MLXIPL: variants seen among roughly 807,000 people sequenced by gnomAD.
The protein encoded by MLXIPL is carbohydrate-responsive element-binding protein.
In MLXIPL, 49 loss-of-function variants were observed where a neutral mutation model predicts 81.5. The observed-to-expected ratio is 0.60, with a 90% CI of 0.48 to 0.76. The LOEUF is 0.76. MLXIPL is among the 30% of genes least tolerant of loss of function. MLXIPL has a pLI of 0.00. For missense variants in MLXIPL, 1,053 were observed against 1,167.0 expected (o/e 0.90, Z 1.42); for synonymous variants, 466 against 485.5 (o/e 0.96, Z 0.53).
At chr7:73,625,165 CAG>C (rs1796664535), upstream of MLXIPL, among the ~76,000 whole-genome samples, 2 of 152,196 alleles carry the variant, frequency 1.3e-5, no homozygotes, top group Non-Finnish European at 2.9e-5. Context: ...GCCTGGATGA[CAG>C]AGTGAGACCC....
chr7:73,605,338 G>A (rs976927743), intron 7 of MLXIPL, among the ~76,000 whole-genome samples: 3 of 151,878 alleles, frequency 2.0e-5, no homozygotes, highest in Non-Finnish European at 4.4e-5. Context: ...GCAAGAGGAT[G>A]GCTTGAGCTC....
chr7:73,593,611 G>A lies in MLXIPL; in HGVS notation c.*254C>T. On this transcript the variant is annotated 3_prime_UTR_variant, in exon 17 of 17. Transcript: ENST00000313375. ...TCCCCATTTTGCAGATTGAAACACA[G>A]CGGTCCAAAGACAGCGGACGAGTCA... 1 of 471,790 alleles carries A rather than the reference G, an allele frequency of 2.1e-6. No individual in the cohort carries two copies. The highest frequency in any genetic ancestry group is 3.9e-6 in the Non-Finnish European group (1 of 254,522). The allele number at this position is 471,790 out of a possible 1,614,324, so 29.2% of individuals were successfully genotyped here.
rs149935648 is a variant in MLXIPL, at chr7:73,593,934, G to A, written c.2490C>T (p.Thr830=). The A allele has an allele frequency of 3.2e-4, 519 of 1,614,106 alleles. 4 individuals are homozygous for A. The East Asian group carries it at 6.1e-3, about 19-fold the overall frequency. ...CTTGCTCAGGGATGCGGCCCGGGTCGGTCAGGATACTGGTAGATGTGCCCA... is the reference window on the plus strand; with the variant it reads ...CTTGCTCAGGGATGCGGCCCGGGTCAGTCAGGATACTGGTAGATGTGCCCA... ...RQLGTSTSIL[T]DPGRIPEQAT... The change falls in exon 17 of 17, where the codon ACC becomes ACT. Residue 830 remains threonine, a synonymous_variant. Coordinates refer to ENST00000313375, the MANE Select transcript of MLXIPL (RefSeq NM_032951.3).
the MLXIPL span, among the ~76,000 whole-genome samples, chr7:73,634,717 T>A: frequency 7.3e-5 from 11 of 151,354 alleles, no homozygotes; most frequent in East Asian, 2.0e-4. Context: ...TTAATTTTTT[T>A]AAATTATGAA....
chr7:73,637,531 G>A, the MLXIPL span, among the ~76,000 whole-genome samples: 4 of 151,972 alleles, frequency 2.6e-5, no homozygotes, highest in African/African-American at 9.7e-5. Context: ...GAGAAGCACT[G>A]ATACGCAAGA....
intron 14 of MLXIPL, 36 bp from the exon 15 acceptor site, chr7:73,595,796 G>C (rs1563473729): frequency 1.9e-6 from 3 of 1,580,366 alleles, no homozygotes; most frequent in Non-Finnish European, 2.6e-6. Context: ...CTGGGGGTAA[G>C]GCGGCATGGC....
In MLXIPL at chr7:73,624,255, G is replaced by T; in HGVS notation, c.238C>A (p.Arg80Ser). 6.3e-7 allele frequency: 1 copy of T among 1,596,140 alleles called. No individual in the cohort carries two copies. Among genetic ancestry groups the T allele is most frequent in the Non-Finnish European group, 8.5e-7 (1 of 1,172,600 alleles). ...GSVGPSDFGP[R>S]SIDPTLTRLF... is the part of the protein sequence containing the mutation. Reference sequence around the variant, plus strand: ...CGTGTGAGTGTGGGGTCGATACTGCGCGGCCCGAAGTCGGAGGGCCCCACG... The same window carrying T: ...CGTGTGAGTGTGGGGTCGATACTGCTCGGCCCGAAGTCGGAGGGCCCCACG... Residue 80 changes from arginine to serine, a missense_variant, in exon 1 of 17, where the codon CGC (arginine) becomes AGC (serine). By Grantham distance (110) the Arg-to-Ser change is moderately radical. This residue lies in a region of MLXIPL where 226 missense variants were observed against 216.2 expected (regional missense o/e 1.05). Coordinates refer to ENST00000313375, the MANE Select transcript of MLXIPL (RefSeq NM_032951.3).
chr7:73,639,000 G>GA, the MLXIPL span, among the ~76,000 whole-genome samples: 14 of 151,220 alleles, frequency 9.3e-5, no homozygotes, highest in South Asian at 4.2e-4. Flanking sequence ...GTAGAGAGGA[G>GA]AAAAAAAAAT....
chr7:73,612,754 G>A (rs782522536), intron 2 of MLXIPL, among the ~76,000 whole-genome samples: 3 of 152,002 alleles, frequency 2.0e-5, no homozygotes, highest in African/African-American at 4.8e-5. Flanking sequence ...TGGAAAGGCT[G>A]TAACCATGTG....
Position 73,594,409 on chromosome 7 carries a change from C to T in MLXIPL, c.2311-6G>A, listed in dbSNP as rs1554592973. The T allele has an allele frequency of 6.2e-7, 1 of 1,601,088 alleles. No individual in the cohort carries two copies. The highest frequency in any genetic ancestry group is 1.1e-5 in the South Asian group (1 of 91,066). The stretch of plus-strand genomic sequence containing the variant: ...GGCCGGATGAGGATGCTGAACTGGG[C>T]CCAGGTCAAGGAGCTGCCTGTGGTC... On this transcript the variant is annotated splice_polypyrimidine_tract_variant and splice_region_variant and intron_variant, in intron 15 of 16. Transcript: ENST00000313375.
In MLXIPL at chr7:73,596,090, G is replaced by A. The variant is rs566028695; in HGVS notation, c.2058+63C>T. ...GCACTCCCCTGCAATTGAGTTTTGG[G>A]TGGGGGGGGTCCAGAAAGGGGCCCT... On this transcript the variant is annotated intron_variant, in intron 13 of 16. Coordinates refer to ENST00000313375, the MANE Select transcript of MLXIPL (RefSeq NM_032951.3). The surrounding 1 kb of genome is among the most constrained non-coding windows in gnomAD (Gnocchi z 4.7). The A allele has an allele frequency of 2.5e-6, 4 of 1,599,628 alleles. No individual in the cohort carries two copies. Among genetic ancestry groups the A allele is most frequent in the African/African-American group, 1.3e-5 (1 of 74,642 alleles).
Position 73,619,089 on chromosome 7 carries a change from C to T in MLXIPL, c.294-2912G>A, listed in dbSNP as rs549219634. 3.4e-4 allele frequency among the ~76,000 whole-genome samples: 51 copies of T among 152,156 alleles called. 1 individual carries two copies. The East Asian group carries it at 9.3e-3, about 28-fold the overall frequency. On this transcript the variant is annotated intron_variant, in intron 1 of 16. Transcript: ENST00000313375. ...CTGTAATCCCAGCACTTTGGAAGGCCGAGGCAGGAGGACTGTAGGAGGCCA... is the reference window on the plus strand; with the variant it reads ...CTGTAATCCCAGCACTTTGGAAGGCTGAGGCAGGAGGACTGTAGGAGGCCA...
At chr7:73,635,332 G>C in the MLXIPL span, among the ~76,000 whole-genome samples, 1 of 152,096 alleles carries the variant, frequency 6.6e-6, no homozygotes, top group African/African-American at 2.4e-5. Flanking sequence ...AAGGACAGCA[G>C]GGTAGAGATC....
intron 3 of MLXIPL, 48 bp downstream of exon 3, chr7:73,607,542 G>C: frequency 6.3e-7 from 1 of 1,598,584 alleles, no homozygotes; most frequent in Non-Finnish European, 8.6e-7. Context: ...GCTGGTCTTG[G>C]TGGGTGGGCA....
At chr7:73,625,356 A>C (rs1385855786), upstream of MLXIPL, among the ~76,000 whole-genome samples, 2 of 152,050 alleles carry the variant, frequency 1.3e-5, no homozygotes, top group Non-Finnish European at 2.9e-5. Flanking sequence ...GGTCCTCCAC[A>C]TAGGTAGAAG....
At chr7:73,632,640 C>T in the MLXIPL span, among the ~76,000 whole-genome samples, 1 of 152,076 alleles carries the variant, frequency 6.6e-6, no homozygotes, top group African/African-American at 2.4e-5. Flanking sequence ...CAGTCTGGGG[C>T]TTGTCACAGA....
rs1794357038 is a variant in MLXIPL, at chr7:73,596,782, G to A, written c.1679C>T (p.Thr560Ile). 6.2e-7 allele frequency: 1 copy of A among 1,605,978 alleles called. No homozygotes were observed. Among genetic ancestry groups the A allele is most frequent in the Non-Finnish European group, 8.5e-7 (1 of 1,177,094 alleles). Residue 560 changes from threonine to isoleucine, a missense_variant, in exon 11 of 17, where the codon ACA becomes ATA. Around this residue, in one of 3 missense-constraint regions of MLXIPL, gnomAD observed 823 missense variants for 933.0 expected, o/e 0.88. Coordinates refer to ENST00000313375, the MANE Select transcript of MLXIPL (RefSeq NM_032951.3). This position sits in a 1 kb window ranked among gnomAD's most constrained non-coding sequence, Gnocchi z 4.7. ...LLRSPGSPQE[T>I]VPEFPCTFLP... The stretch of plus-strand genomic sequence containing the variant: ...GAATGTGCAGGGGAATTCAGGGACT[G>A]TCTCCTGCTGGGGTGGAGAAGGGCG...
At position 73,619,460 on chromosome 7, in the gene MLXIPL, C is replaced by CAA. The variant is rs1463451518; in HGVS notation, c.294-3285_294-3284dup. Reference sequence around the variant, plus strand: ...TGGGCGACAGAGAGCGACTCCATCTCAAAAAAAAAAAAAAAAAAGTTAGCT... The same window carrying CAA: ...TGGGCGACAGAGAGCGACTCCATCTCAAAAAAAAAAAAAAAAAAAAGTTAGCT... On this transcript the variant is annotated intron_variant, in intron 1 of 16. Coordinates refer to ENST00000313375, the MANE Select transcript of MLXIPL (RefSeq NM_032951.3). 4.5e-4 allele frequency among the ~76,000 whole-genome samples: 39 copies of CAA among 87,538 alleles called. 1 individual carries two copies. Among genetic ancestry groups the CAA allele is most frequent in the South Asian group, 1.4e-3 (4 of 2,822 alleles). The allele number at this position is 87,538 out of a possible 152,430, so 57.4% of individuals were successfully genotyped here.
chr7:73,640,960 C>T, the MLXIPL span, among the ~76,000 whole-genome samples: 1 of 151,976 alleles, frequency 6.6e-6, no homozygotes, highest in Non-Finnish European at 1.5e-5. Context: ...GGCACAGCTT[C>T]CCACCCTAGC....
Sources: allele counts gnomAD v4.1 joint callset (sites outside exome capture counted in the v4.1 genomes callset), GRCh38; gene constraint gnomAD v4.1.1; regional missense constraint gnomAD v4.1.1; non-coding constraint Gnocchi (gnomAD v3.1); transcripts MANE v1.5; gene names NCBI Gene and HGNC (gene_info 2026-07-23, HGNC 2026-07-21).